Variants in F2R observed in about 807,000 individuals in gnomAD.
The protein encoded by F2R is coagulation factor II thrombin receptor.
Under a neutral mutation model 18.3 loss-of-function variants are expected in F2R, and 12 were observed. The observed-to-expected ratio is 0.66, with a 90% CI of 0.42 to 1.06. F2R has a LOEUF of 1.06. F2R is among the 50% of genes least tolerant of loss of function. The pLI is 0.00. For missense variants in F2R, 438 were observed against 530.8 expected (o/e 0.83, Z 1.72); for synonymous variants, 210 against 219.9 (o/e 0.95, Z 0.40).
rs1748722908 is a variant in F2R, at chr5:76,733,480, A to G, written c.1255A>G (p.Ile419Val). Residue 419 changes from isoleucine (I) to valine (V), a missense_variant, in exon 2 of 2, where the codon ATA becomes GTA. Coordinates refer to ENST00000319211, the MANE Select transcript of F2R (RefSeq NM_001992.5). ...CTGCTCTAGTAACCTGAATAACAGC[A>G]TATACAAAAAGCTGTTAACTTAGGA... is the stretch of plus-strand genomic sequence containing the variant. ...DTCSSNLNNS[I>V]YKKLLT 3 of 1,611,364 alleles carry G rather than the reference A, an allele frequency of 1.9e-6. No individual in the cohort carries two copies. The highest frequency in any genetic ancestry group is 1.3e-5 in the African/African-American group (1 of 74,818).
intron 1 of F2R, among the ~76,000 whole-genome samples, chr5:76,728,565 A>G (rs1414910403): frequency 2.0e-5 from 3 of 151,964 alleles, no homozygotes; most frequent in African/African-American, 4.8e-5. Flanking sequence ...CACTGTGTAT[A>G]TACATCATAT....
chr5:76,718,610 A>G (rs1210893035), intron 1 of F2R, among the ~76,000 whole-genome samples: 1 of 152,198 alleles, frequency 6.6e-6, no homozygotes, highest in Non-Finnish European at 1.5e-5. Flanking sequence ...TGTGTGTCTC[A>G]TTCTCCCAAC....
At chr5:76,730,081 T>A (rs935596899) in intron 1 of F2R, among the ~76,000 whole-genome samples, 2 of 152,230 alleles carry the variant, frequency 1.3e-5, no homozygotes, top group Non-Finnish European at 2.9e-5. Flanking sequence ...AAAAAGACTC[T>A]GGATTTTGTT....
Position 76,733,507 on chromosome 5 carries a change from A to G in F2R, c.*4A>G, listed in dbSNP as rs1325890921. The G allele has an allele frequency of 5.0e-6, 8 of 1,600,516 alleles. No individual in the cohort carries two copies. The highest frequency in any genetic ancestry group is 6.0e-6 in the Non-Finnish European group (7 of 1,173,696). Reference sequence around the variant, plus strand: ...ATACAAAAAGCTGTTAACTTAGGAAAAGGGACTGCTGGGAGGTTAAAAAGA... The same window carrying G: ...ATACAAAAAGCTGTTAACTTAGGAAGAGGGACTGCTGGGAGGTTAAAAAGA... On this transcript the variant is annotated 3_prime_UTR_variant, in exon 2 of 2. Transcript: ENST00000319211.
intron 1 of F2R, among the ~76,000 whole-genome samples, chr5:76,720,351 C>T (rs1561626984): frequency 6.6e-6 from 1 of 152,042 alleles, no homozygotes; most frequent in East Asian, 1.9e-4. Context: ...GGGAGGATGG[C>T]CTGACCCAGG....
rs372053066 is a variant in F2R, at chr5:76,728,224, T to C, written c.89-4090T>C. Among the ~76,000 whole-genome samples the C allele has an allele frequency of 3.0e-4, 45 of 152,302 alleles. No individual in the cohort carries two copies. In the South Asian group the frequency reaches 8.5e-3, roughly 29 times the overall value. ...CACTTAAAGTCTACTCTCTTAGCAA[T>C]TGTCAAGTATACAACACATTGTTAT... On this transcript the variant is annotated intron_variant, in intron 1 of 1. Coordinates refer to ENST00000319211, the MANE Select transcript of F2R (RefSeq NM_001992.5).
chr5:76,721,948 T>G (rs1748464386), intron 1 of F2R, among the ~76,000 whole-genome samples: 1 of 152,282 alleles, frequency 6.6e-6, no homozygotes, highest in Admixed American at 6.5e-5. Flanking sequence ...TTGCTAAATC[T>G]ATAACATAAT....
intron 1 of F2R, among the ~76,000 whole-genome samples, chr5:76,718,081 C>T (rs770369937): frequency 1.1e-4 from 16 of 152,046 alleles, no homozygotes; most frequent in Non-Finnish European, 2.1e-4. Flanking sequence ...CATGTCAAGC[C>T]CTGGGCCAGA....
chr5:76,728,052 A>G (rs896344435), intron 1 of F2R, among the ~76,000 whole-genome samples: 12 of 151,848 alleles, frequency 7.9e-5, no homozygotes, highest in African/African-American at 2.9e-4. Flanking sequence ...CACACCTGGC[A>G]GCCCCCTTTT....
chr5:76,732,580 C>G lies in F2R; in HGVS notation c.355C>G (p.Leu119Val). ...YTGVFVVSLP[L>V]NIMAIVVFIL... is the part of the protein sequence containing the mutation. ...CGGAGTGTTTGTAGTCAGCCTCCCA[C>G]TAAACATCATGGCCATCGTTGTGTT... Residue 119 changes from leucine to valine, a missense_variant, in exon 2 of 2, where the codon CTA (leucine) becomes GTA (valine). By Grantham distance (32) the Leu-to-Val change is conservative. Coordinates refer to ENST00000319211, the MANE Select transcript of F2R (RefSeq NM_001992.5). 6.2e-7 allele frequency: 1 copy of G among 1,614,210 alleles called. No individual in the cohort carries two copies. Among genetic ancestry groups the G allele is most frequent in the South Asian group, 1.1e-5 (1 of 91,074 alleles).
chr5:76,728,450 G>A (rs1348891020), intron 1 of F2R, among the ~76,000 whole-genome samples: 1 of 151,986 alleles, frequency 6.6e-6, no homozygotes, highest in African/African-American at 2.4e-5. Flanking sequence ...TGCTATATTT[G>A]TCTTTCGGTG....
chr5:76,733,356 G>C lies in F2R; in HGVS notation c.1131G>C (p.Glu377Asp), dbSNP rs1229696690. ...TAATTTACTATTACGCTTCCTCTGA[G>C]TGCCAGAGGTACGTCTACAGTATCT... ...DPLIYYYASS[E>D]CQRYVYSILC... is the part of the protein sequence containing the mutation. The change falls in exon 2 of 2, where the codon GAG (glutamate) becomes GAC (aspartate). Residue 377 changes from glutamate (E) to aspartate (D), a missense_variant. Glu to Asp is a conservative substitution (Grantham distance 45). Transcript: ENST00000319211. 1.2e-6 allele frequency: 2 copies of C among 1,614,148 alleles called. No individual in the cohort carries two copies. Among genetic ancestry groups the C allele is most frequent in the Non-Finnish European group, 1.7e-6 (2 of 1,180,018 alleles).
At chr5:76,729,018 G>A (rs1209980568) in intron 1 of F2R, among the ~76,000 whole-genome samples, 5 of 152,138 alleles carry the variant, frequency 3.3e-5, no homozygotes, top group East Asian at 1.9e-4. Context: ...TCCTTTGGAT[G>A]TATGCCCAGC....
At chr5:76,722,583 C>T (rs961345510) in intron 1 of F2R, among the ~76,000 whole-genome samples, 2 of 152,204 alleles carry the variant, frequency 1.3e-5, no homozygotes, top group Non-Finnish European at 2.9e-5. Flanking sequence ...AGAGGAGTAC[C>T]TGCTCCAGGA....
chr5:76,717,360 G>A (rs1256672466), intron 1 of F2R, among the ~76,000 whole-genome samples: 1 of 152,184 alleles, frequency 6.6e-6, no homozygotes, highest in African/African-American at 2.4e-5. Context: ...AATAACAATA[G>A]TATTTTATAA....
intron 1 of F2R, among the ~76,000 whole-genome samples, chr5:76,727,104 G>A (rs1748575079): frequency 1.3e-5 from 2 of 152,330 alleles, no homozygotes; most frequent in South Asian, 4.1e-4. Flanking sequence ...TAGGAGGGAA[G>A]ATGAACCTAG....
In F2R at chr5:76,732,483, A is replaced by C; in HGVS notation, c.258A>C (p.Ala86=). ...GTCCTCTTCAAAAACAACTTCCTGC[A>C]TTCATCTCAGAAGATGCCTCCGGAT... is the stretch of plus-strand genomic sequence containing the variant. ...KSSPLQKQLP[A]FISEDASGYL... Residue 86 remains alanine, a synonymous_variant, in exon 2 of 2, where the codon GCA becomes GCC. Coordinates refer to ENST00000319211, the MANE Select transcript of F2R (RefSeq NM_001992.5). 1 of 1,614,202 alleles carries C rather than the reference A, an allele frequency of 6.2e-7. No individual in the cohort carries two copies. The highest frequency in any genetic ancestry group is 8.5e-7 in the Non-Finnish European group (1 of 1,180,038).
At chr5:76,724,867 T>C (rs2227829) in intron 1 of F2R, among the ~76,000 whole-genome samples, 2,894 of 152,356 alleles carry the variant, frequency 0.019, 48 homozygotes, top group Non-Finnish European at 0.025. Context: ...CCCCAGTTCT[T>C]TTCATTGGAA....
intron 1 of F2R, among the ~76,000 whole-genome samples, chr5:76,729,636 G>A (rs953247120): frequency 1.5e-4 from 23 of 152,326 alleles, no homozygotes; most frequent in African/African-American, 5.1e-4. Flanking sequence ...ACAGTTTCAG[G>A]TCTTATGTGT....
Sources: gnomAD v4.1 joint callset for allele counts (sites outside exome capture counted in the v4.1 genomes callset) on GRCh38, gnomAD v4.1.1 for gene constraint, MANE v1.5 for transcripts, NCBI Gene and HGNC (gene_info 2026-07-23, HGNC 2026-07-21) for gene names.